The following ZCWPW2 variants were observed in gnomAD, a reference collection of about 807,000 sequenced individuals.
ZCWPW2 encodes zinc finger CW-type and PWWP domain containing 2, also known as zinc finger CW-type PWWP domain protein 2.
Under a neutral mutation model 46.6 loss-of-function variants are expected in ZCWPW2, and 45 were observed. The ratio of observed to expected loss-of-function variants is 0.96; its 90% confidence interval spans 0.76 to 1.24. The LOEUF is 1.24. Among genes scored for constraint, ZCWPW2 ranks in the 50% most tolerant of loss-of-function variants. The pLI is 0.00. For missense variants in ZCWPW2, 429 were observed against 403.9 expected (o/e 1.06, Z -0.53); for synonymous variants, 152 against 137.1 (o/e 1.11, Z -0.76).
chr3:28,453,875 C>T (rs1337692358), intron 4 of ZCWPW2, among the ~76,000 whole-genome samples: 3 of 148,146 alleles, frequency 2.0e-5, no homozygotes, highest in Non-Finnish European at 3.0e-5. Context: ...GACGGAGTCT[C>T]GCTCTGTCGC....
At chr3:28,404,317 A>C (rs1379097993) in intron 2 of ZCWPW2, among the ~76,000 whole-genome samples, 1 of 148,726 alleles carries the variant, frequency 6.7e-6, no homozygotes. Flanking sequence ...GCAAATCAAA[A>C]CCACAATGCG....
chr3:28,422,882 C>A (rs1696851680), intron 3 of ZCWPW2, among the ~76,000 whole-genome samples: 1 of 152,050 alleles, frequency 6.6e-6, no homozygotes, highest in African/African-American at 2.4e-5. Context: ...TTTGGTGTTA[C>A]CTGAATTTTG....
chr3:28,515,660 A>G (rs772181101), intron 8 of ZCWPW2, 39 bp downstream of exon 8: 8 of 1,543,742 alleles, frequency 5.2e-6, no homozygotes, highest in Non-Finnish European at 7.0e-6. Flanking sequence ...TCTTTAACCT[A>G]TATATAATTC....
intron 1 of ZCWPW2, among the ~76,000 whole-genome samples, chr3:28,352,166 A>G (rs12487570): frequency 3.1e-4 from 31 of 101,162 alleles, no homozygotes; most frequent in Non-Finnish European, 2.6e-4. Context: ...ACACACACAC[A>G]CGAGAGAGAA....
At chr3:28,357,480 T>C (rs1021952454) in intron 1 of ZCWPW2, among the ~76,000 whole-genome samples, 1 of 152,126 alleles carries the variant, frequency 6.6e-6, no homozygotes, top group Admixed American at 6.6e-5. Flanking sequence ...GAATAGTAGA[T>C]GGAGTAAAGC....
intron 4 of ZCWPW2, among the ~76,000 whole-genome samples, chr3:28,474,584 A>G (rs972324105): frequency 9.6e-6 from 1 of 104,184 alleles, no homozygotes; most frequent in Non-Finnish European, 2.0e-5. Context: ...CTTTAAATAC[A>G]GCGTGTGTGT....
At chr3:28,405,389 G>A (rs557966327) in intron 2 of ZCWPW2, among the ~76,000 whole-genome samples, 154 of 152,166 alleles carry the variant, frequency 1.0e-3, no homozygotes, top group Middle Eastern at 3.4e-3. Flanking sequence ...TCCTAAGAAT[G>A]TGATAGTGGA....
intron 4 of ZCWPW2, among the ~76,000 whole-genome samples, chr3:28,459,522 T>C (rs1698550126): frequency 6.6e-6 from 1 of 152,214 alleles, no homozygotes; most frequent in South Asian, 2.1e-4. Flanking sequence ...TGAAAGTGTA[T>C]TGTTTGTATT....
intron 2 of ZCWPW2, among the ~76,000 whole-genome samples, chr3:28,409,707 A>G (rs189335572): frequency 1.1e-4 from 16 of 152,298 alleles, no homozygotes; most frequent in African/African-American, 3.8e-4. Flanking sequence ...TATTAAGGGT[A>G]ACTATTGTAA....
chr3:28,447,713 G>T lies in ZCWPW2; in HGVS notation c.492+12444G>T, dbSNP rs73825165. 8.2e-5 allele frequency: 45 copies of T among 550,620 alleles called. No homozygotes were observed. The African/African-American group carries it at 8.3e-4, about 10-fold the overall frequency. The allele number at this position is 550,620 out of a possible 1,614,324, so 34.1% of individuals were successfully genotyped here. On this transcript the variant is annotated intron_variant, in intron 4 of 9. Transcript: ENST00000383768. ...ATCTAGCTTCCACGAACGTTGTCTA[G>T]AGGCACTCAGAATGGTCCAGCATTT...
At chr3:28,458,860 C>A (rs1465590615) in intron 4 of ZCWPW2, among the ~76,000 whole-genome samples, 1 of 152,124 alleles carries the variant, frequency 6.6e-6, no homozygotes, top group African/African-American at 2.4e-5. Context: ...TGATTTCTTG[C>A]CATGGATTTG....
At chr3:28,498,982 C>CT (rs1700073353) in intron 6 of ZCWPW2, among the ~76,000 whole-genome samples, 2 of 152,028 alleles carry the variant, frequency 1.3e-5, no homozygotes, top group South Asian at 2.1e-4. Flanking sequence ...TGAACTCATC[C>CT]TTTTTTATGG....
intron 2 of ZCWPW2, among the ~76,000 whole-genome samples, chr3:28,404,031 A>C (rs913149444): frequency 6.6e-6 from 1 of 152,158 alleles, no homozygotes; most frequent in Non-Finnish European, 1.5e-5. Context: ...AATAAAAACA[A>C]AGACAAATAG....
intron 2 of ZCWPW2, among the ~76,000 whole-genome samples, chr3:28,401,220 C>T (rs1695915718): frequency 6.6e-6 from 1 of 151,642 alleles, no homozygotes; most frequent in South Asian, 2.1e-4. Flanking sequence ...ACAAAAAAAG[C>T]AAGGTATACA....
chr3:28,478,255 AT>A, intron 4 of ZCWPW2: 1 of 274,044 alleles, frequency 3.6e-6, no homozygotes, highest in Non-Finnish European at 7.5e-6. Flanking sequence ...TTATTATTTT[AT>A]TTTTTGAGAC....
chr3:28,516,411 GA>G (rs1279465943), intron 8 of ZCWPW2, among the ~76,000 whole-genome samples: 1 of 152,168 alleles, frequency 6.6e-6, no homozygotes, highest in Non-Finnish European at 1.5e-5. Context: ...AGAGAAGAAA[GA>G]AAAGCAGAAG....
At chr3:28,481,293 G>GA (rs1412677056) in intron 5 of ZCWPW2, among the ~76,000 whole-genome samples, 1 of 152,072 alleles carries the variant, frequency 6.6e-6, no homozygotes, top group Non-Finnish European at 1.5e-5. Context: ...GCCCAGGCTG[G>GA]AGTGCAGTGG....
intron 4 of ZCWPW2, among the ~76,000 whole-genome samples, chr3:28,458,397 A>G (rs1698503154): frequency 6.6e-6 from 1 of 152,234 alleles, no homozygotes. Flanking sequence ...ATTAAATTGT[A>G]GAACTCCTAT....
At chr3:28,465,195 T>C (rs1293143289) in intron 4 of ZCWPW2, among the ~76,000 whole-genome samples, 2 of 152,212 alleles carry the variant, frequency 1.3e-5, no homozygotes, top group Admixed American at 1.3e-4. Flanking sequence ...ATTTATCTCT[T>C]TAAATGCTAT....
Sources: allele counts gnomAD v4.1 joint callset (sites outside exome capture counted in the v4.1 genomes callset), GRCh38; gene constraint gnomAD v4.1.1; transcripts MANE v1.5; gene names NCBI Gene and HGNC (gene_info 2026-07-23, HGNC 2026-07-21).